The following USP32 variants were observed in gnomAD, a reference collection of about 807,000 sequenced individuals.
USP32 encodes the protein ubiquitin specific peptidase 32, also known as ubiquitin carboxyl-terminal hydrolase 32.
A neutral mutation model predicts 204.8 loss-of-function variants in USP32; 59 were observed. The observed-to-expected ratio is 0.29, with a 90% CI of 0.23 to 0.36. The LOEUF (loss-of-function observed/expected upper bound fraction) is 0.36. Ranked by LOEUF, USP32 falls within the 10% of genes least tolerant of loss-of-function variation. USP32 has a pLI of 1.00. For synonymous variants in USP32, 517 were observed against 678.4 expected (o/e 0.76, Z 3.70); for missense variants, 1,160 against 1,946.4 (o/e 0.60, Z 7.60).
At chr17:60,258,734 A>G (rs987615242) in intron 9 of USP32, among the ~76,000 whole-genome samples, 2 of 152,214 alleles carry the variant, frequency 1.3e-5, no homozygotes, top group Admixed American at 1.3e-4. Flanking sequence ...TTTACAGGAC[A>G]TTCCAAAATG....
chr17:60,390,818 C>G (rs1384007419), intron 1 of USP32, among the ~76,000 whole-genome samples: 1 of 152,120 alleles, frequency 6.6e-6, no homozygotes. Flanking sequence ...ATGCCTAGCT[C>G]CTAATCTTCT....
rs1257136993 is a variant in USP32 at position 60,177,442 on chromosome 17, ATAGT to A, written c.*1809_*1812del. ...GTAATTTACAAGGTGAATGTAGTTA[ATAGT>A]TAATTTAATAAATTTTCTGCTAGTT... On this transcript the variant is annotated 3_prime_UTR_variant, in exon 34 of 34. Coordinates refer to ENST00000300896, the MANE Select transcript of USP32 (RefSeq NM_032582.4). 1.3e-5 allele frequency among the ~76,000 whole-genome samples: 2 copies of A among 152,368 alleles called. No individual in the cohort carries two copies. The highest frequency in any genetic ancestry group is 2.1e-4 in the South Asian group (1 of 4,832).
intron 5 of USP32, among the ~76,000 whole-genome samples, chr17:60,271,864 T>G (rs959814954): frequency 6.6e-6 from 1 of 151,466 alleles, no homozygotes; most frequent in Non-Finnish European, 1.5e-5. Flanking sequence ...CAAGCTGGAG[T>G]GCAGTGACAC....
chr17:60,334,363 T>C lies in USP32; in HGVS notation c.186+11118A>G, dbSNP rs1255639004. On this transcript the variant is annotated intron_variant, in intron 2 of 33. Coordinates refer to ENST00000300896, the MANE Select transcript of USP32 (RefSeq NM_032582.4). The stretch of plus-strand genomic sequence containing the variant: ...GGTAGTACCTGATAAAATAAACTAG[T>C]ATCTACTTGTATTTTATGCATTCAC... Among the ~76,000 whole-genome samples the C allele has an allele frequency of 3.9e-5, 6 of 152,314 alleles. No homozygotes were observed. The South Asian group carries it at 8.3e-4, about 21-fold the overall frequency.
chr17:60,375,954 T>C (rs1005480432), intron 1 of USP32, among the ~76,000 whole-genome samples: 2 of 152,198 alleles, frequency 1.3e-5, no homozygotes, highest in Admixed American at 6.5e-5. Flanking sequence ...AAAATTTGTA[T>C]CTTCCTATGT....
chr17:60,363,652 A>T (rs939138242), intron 1 of USP32, among the ~76,000 whole-genome samples: 5 of 151,310 alleles, frequency 3.3e-5, no homozygotes, highest in African/African-American at 1.2e-4. Context: ...ATGCCCAGCT[A>T]ATTTTTTGTT....
chr17:60,214,922 C>T (rs2468998), intron 16 of USP32, 148 bp from the exon 17 acceptor site: 9 of 1,489,690 alleles, frequency 6.0e-6, no homozygotes, highest in South Asian at 2.7e-5. Flanking sequence ...AGTACCAAAA[C>T]GCTTTAAAAT....
intron 31 of USP32, among the ~76,000 whole-genome samples, chr17:60,182,101 G>A (rs1487691479): frequency 6.6e-6 from 1 of 152,158 alleles, no homozygotes; most frequent in Non-Finnish European, 1.5e-5. Context: ...GACAAAAAAT[G>A]TGACCACCAT....
intron 4 of USP32, among the ~76,000 whole-genome samples, chr17:60,293,851 T>C (rs1360113718): frequency 2.6e-5 from 4 of 151,640 alleles, no homozygotes; most frequent in East Asian, 1.9e-4. Flanking sequence ...CAAAAGAAAA[T>C]GGGCAGCACT....
At chr17:60,182,019 T>C (rs2084124826) in intron 31 of USP32, among the ~76,000 whole-genome samples, 1 of 152,244 alleles carries the variant, frequency 6.6e-6, no homozygotes, top group Non-Finnish European at 1.5e-5. Context: ...TTATGTCAGA[T>C]TCAGTTGAAA....
rs573186019 is a variant in USP32, at chr17:60,350,015, G to GT, written c.59-4408dup. On this transcript the variant is annotated intron_variant, in intron 1 of 33. Coordinates refer to ENST00000300896, the MANE Select transcript of USP32 (RefSeq NM_032582.4). ...GGTTTTTTCGTTGTTGTTGGTTTTT[G>GT]TTTTTTTTTTTATTTTGAGACGGGA... 3.6e-3 allele frequency among the ~76,000 whole-genome samples: 523 copies of GT among 144,060 alleles called. 9 individuals carry two copies. The South Asian group carries it at 0.041, about 11-fold the overall frequency. The allele number at this position is 144,060 out of a possible 152,430, so 94.5% of individuals were successfully genotyped here. A position where few individuals can be genotyped will look rare whatever the true frequency, so the allele number is the denominator to read the frequency against.
At chr17:60,240,659 C>T (rs57116850) in intron 11 of USP32, among the ~76,000 whole-genome samples, 6,751 of 152,228 alleles carry the variant, frequency 0.044, 537 homozygotes, top group African/African-American at 0.15. Flanking sequence ...TGAAAGTTTA[C>T]GGGTCTTATA....
At position 60,398,387 on chromosome 17, in the gene USP32, C is replaced by T. The variant is rs151033815; in HGVS notation, c.106+23859G>A. Reference sequence around the variant, plus strand: ...TCAAGCCTGGGCAACAGAGTGAGACCTTGCCTCAAAAAAAGAAAAAAGAAA... The same window carrying T: ...TCAAGCCTGGGCAACAGAGTGAGACTTTGCCTCAAAAAAAGAAAAAAGAAA... On this transcript the variant is annotated intron_variant, in intron 1 of 3. Transcript: ENST00000588898. Among the ~76,000 whole-genome samples the T allele has an allele frequency of 8.1e-3, 1,232 of 151,420 alleles. 15 individuals carry two copies. The highest frequency in any genetic ancestry group is 0.028 in the African/African-American group (1,137 of 41,198).
At chr17:60,184,356 T>C (rs932769534) in intron 30 of USP32, among the ~76,000 whole-genome samples, 1 of 149,326 alleles carries the variant, frequency 6.7e-6, no homozygotes, top group African/African-American at 2.5e-5. Context: ...CCCACCCACC[T>C]TGTCTCCAAG....
intron 4 of USP32, among the ~76,000 whole-genome samples, chr17:60,289,736 A>G (rs1342965009): frequency 6.6e-6 from 1 of 152,228 alleles, no homozygotes; most frequent in African/African-American, 2.4e-5. Context: ...GCAATTCACA[A>G]GGAAATACAA....
At chr17:60,200,084 C>T (rs1307473369) in intron 26 of USP32, among the ~76,000 whole-genome samples, 1 of 152,060 alleles carries the variant, frequency 6.6e-6, no homozygotes, top group Non-Finnish European at 1.5e-5. Flanking sequence ...GTCCCAGCTA[C>T]TCGGGAGGCT....
chr17:60,187,110 T>A (rs547341714), intron 29 of USP32, among the ~76,000 whole-genome samples: 12 of 152,300 alleles, frequency 7.9e-5, no homozygotes, highest in Admixed American at 3.9e-4. Flanking sequence ...AAACTCATGA[T>A]GGGAACATTA....
chr17:60,263,069 C>A (rs1308045918), intron 9 of USP32, among the ~76,000 whole-genome samples: 1 of 152,126 alleles, frequency 6.6e-6, no homozygotes, highest in East Asian at 1.9e-4. Flanking sequence ...TCGCCTCAGC[C>A]TCCCTTGTAG....
intron 4 of USP32, among the ~76,000 whole-genome samples, chr17:60,291,537 A>ATGTGTGTGTGTGTGTGTGTGTGTGTG (rs58874239): frequency 6.9e-6 from 1 of 145,234 alleles, no homozygotes; most frequent in African/African-American, 2.5e-5. Context: ...CTGTGTGTGT[A>ATGTGTGTGTGTGTGTGTGTGTGTGTG]TGTGTGTGTG....
Sources: gnomAD v4.1 joint callset for allele counts (sites outside exome capture counted in the v4.1 genomes callset) on GRCh38, gnomAD v4.1.1 for gene constraint, MANE v1.5 for transcripts, NCBI Gene and HGNC (gene_info 2026-07-23, HGNC 2026-07-21) for gene names.